The following PLAAT5 variants were observed in gnomAD, a reference collection of about 807,000 sequenced individuals.
PLAAT5 encodes the protein phospholipase A and acyltransferase 5.
In PLAAT5, 27 loss-of-function variants were observed where a neutral mutation model predicts 27.8. That is an observed-to-expected ratio of 0.97 (90% CI 0.72 to 1.34). PLAAT5 has a LOEUF of 1.34. Among genes scored for constraint, PLAAT5 ranks in the 40% most tolerant of loss-of-function variants. The pLI, the probability that PLAAT5 is intolerant of heterozygous loss-of-function variation, is 0.00. For missense variants in PLAAT5, 368 were observed against 343.8 expected, an observed-to-expected ratio of 1.07 and a Z score of -0.56; for synonymous variants, 125 against 136.1, an observed-to-expected ratio of 0.92 and a Z score of 0.57.
intron 1 of PLAAT5, 133 bp downstream of exon 1, chr11:63,490,754 A>G: frequency 1.1e-6 from 1 of 870,954 alleles, no homozygotes; most frequent in Non-Finnish European, 1.7e-6. Flanking sequence ...GTCGTTCTGA[A>G]ATACTCGCTC....
chr11:63,463,388 C>T lies in PLAAT5; in HGVS notation c.*115G>A, dbSNP rs1279007477. On this transcript the variant is annotated 3_prime_UTR_variant, in exon 6 of 6. Coordinates refer to ENST00000540857, the MANE Select transcript of PLAAT5 (RefSeq NM_001146729.2). ...AGGGTAATTGGATACATTGTAGATT[C>T]TTCCAGAAGTTCACAATTTTCTTAA... 1 of 778,660 alleles carries T rather than the reference C, an allele frequency of 1.3e-6. No individual in the cohort carries two copies. Among genetic ancestry groups the T allele is most frequent in the Non-Finnish European group, 2.2e-6 (1 of 445,914 alleles). The allele number at this position is 778,660 out of a possible 1,614,324, so 48.2% of individuals were successfully genotyped here.
At chr11:63,468,671 G>A (rs911002655) in intron 3 of PLAAT5, among the ~76,000 whole-genome samples, 9 of 152,094 alleles carry the variant, frequency 5.9e-5, no homozygotes, top group Non-Finnish European at 1.2e-4. Flanking sequence ...AAGCCATCAA[G>A]GATACCCGTG....
chr11:63,479,996 T>C (rs1025158070), intron 3 of PLAAT5, among the ~76,000 whole-genome samples: 2 of 152,140 alleles, frequency 1.3e-5, no homozygotes, highest in Non-Finnish European at 2.9e-5. Context: ...CAGACCCCAA[T>C]ACCTTAGAGT....
At chr11:63,472,829 C>T (rs559340700) in intron 3 of PLAAT5, among the ~76,000 whole-genome samples, 2 of 152,102 alleles carry the variant, frequency 1.3e-5, no homozygotes, top group African/African-American at 2.4e-5. Flanking sequence ...GTGGCCCAGG[C>T]GCGGTGGCTC....
rs371363769 is a variant in PLAAT5, at chr11:63,463,597, T to A, written c.718-2A>T. On this transcript the variant is annotated splice_acceptor_variant, in intron 5 of 5. Coordinates refer to ENST00000540857, the MANE Select transcript of PLAAT5 (RefSeq NM_001146729.2). LOFTEE classifies it high-confidence loss of function. ...TCCTTCCATCAGGGCGTGCTCTACCTGCAAAGCACATCAGTTCACAGGACA... is the reference window on the plus strand; with the variant it reads ...TCCTTCCATCAGGGCGTGCTCTACCAGCAAAGCACATCAGTTCACAGGACA... 3.1e-6 allele frequency: 5 copies of A among 1,612,688 alleles called. No individual in the cohort carries two copies. In the African/African-American group the frequency reaches 6.7e-5, roughly 22 times the overall value.
chr11:63,486,698 A>AT (rs1459077896), intron 3 of PLAAT5, among the ~76,000 whole-genome samples: 1 of 152,204 alleles, frequency 6.6e-6, no homozygotes, highest in Non-Finnish European at 1.5e-5. Flanking sequence ...AAGACTACAC[A>AT]TTGAGTATAG....
At chr11:63,483,827 A>G (rs11501681) in intron 3 of PLAAT5, among the ~76,000 whole-genome samples, 15,950 of 109,624 alleles carry the variant, frequency 0.15, 3,576 homozygotes, top group African/African-American at 0.43. Flanking sequence ...ATATATATAT[A>G]TATATATATA....
chr11:63,464,458 C>T (rs1403397547), intron 5 of PLAAT5, among the ~76,000 whole-genome samples: 1 of 151,982 alleles, frequency 6.6e-6, no homozygotes, highest in East Asian at 1.9e-4. Flanking sequence ...GAGATTGAGA[C>T]CATCCTGACC....
intron 3 of PLAAT5, among the ~76,000 whole-genome samples, chr11:63,477,803 G>C (rs1269748725): frequency 1.3e-5 from 2 of 152,072 alleles, no homozygotes; most frequent in Non-Finnish European, 2.9e-5. Flanking sequence ...TCCTAGATCG[G>C]CATAGCTTAA....
rs2120212176 is a variant in PLAAT5, at chr11:63,466,091, A to T, written c.717+19T>A. The T allele has an allele frequency of 1.2e-6, 2 of 1,608,270 alleles. No homozygotes were observed. The highest frequency in any genetic ancestry group is 1.3e-5 in the African/African-American group (1 of 74,884). ...GAAAGCTCTGGAAGAAGCCATCATC[A>T]GAGCAAATGGGGTCACACCTGCTGG... On this transcript the variant is annotated intron_variant, in intron 5 of 5. Transcript: ENST00000540857.
At chr11:63,485,994 G>A (rs1013104051) in intron 3 of PLAAT5, among the ~76,000 whole-genome samples, 2 of 152,064 alleles carry the variant, frequency 1.3e-5, no homozygotes, top group Non-Finnish European at 2.9e-5. Context: ...CTCAAAAGAA[G>A]ATATACAAAT....
chr11:63,463,533 A>G lies in PLAAT5; in HGVS notation c.780T>C (p.Asp260=), dbSNP rs1420045869. The G allele has an allele frequency of 6.2e-7, 1 of 1,613,850 alleles. No individual in the cohort carries two copies. The highest frequency in any genetic ancestry group is 1.1e-5 in the South Asian group (1 of 91,076). ...AAGAVISAVV[D]SIKPKPITA Reference sequence around the variant, plus strand: ...CAGTTATTGGTTTGGGCTTTATGCTATCCACTACAGCTGAAATAACTGCTC... The same window carrying G: ...CAGTTATTGGTTTGGGCTTTATGCTGTCCACTACAGCTGAAATAACTGCTC... The change falls in exon 6 of 6, where the codon GAT becomes GAC. Residue 260 remains aspartate (D), a synonymous_variant. Coordinates refer to ENST00000540857, the MANE Select transcript of PLAAT5 (RefSeq NM_001146729.2).
intron 3 of PLAAT5, among the ~76,000 whole-genome samples, chr11:63,479,682 C>T (rs2120295262): frequency 6.6e-6 from 1 of 152,226 alleles, no homozygotes; most frequent in South Asian, 2.1e-4. Context: ...CACAGGAGAC[C>T]CCATAGGCCC....
rs77122481 is a variant in PLAAT5 at position 63,478,339 on chromosome 11, T to A, written c.346-9874A>T. ...CAATAGACTTTCTTTTTTTTTTTTT[T>A]AGACGGAGTCTTGCTCTGTTACCCA... is the stretch of plus-strand genomic sequence containing the variant. On this transcript the variant is annotated intron_variant, in intron 3 of 5. Transcript: ENST00000540857. 1.3e-3 allele frequency among the ~76,000 whole-genome samples: 201 copies of A among 151,952 alleles called. 2 individuals are homozygous for A. Among genetic ancestry groups the A allele is most frequent in the Middle Eastern group, 6.8e-3 (2 of 294 alleles).
At chr11:63,490,650 C>T (rs1185479596) in intron 1 of PLAAT5, 2 of 609,564 alleles carry the variant, frequency 3.3e-6, no homozygotes, top group African/African-American at 1.9e-5. Flanking sequence ...ACACCACCCT[C>T]CGGAGCTGCC....
rs758027598 is a variant in PLAAT5, at chr11:63,490,854, GGATT to G, written c.148+29_148+32del. On this transcript the variant is annotated intron_variant, in intron 1 of 5. Coordinates refer to ENST00000540857, the MANE Select transcript of PLAAT5 (RefSeq NM_001146729.2). Reference sequence around the variant, plus strand: ...CCGCTGGGACCTGAAGGACAATTGCGGATTGTCCTTCAGCCGCATTCTTGGGGCT... The same window carrying G: ...CCGCTGGGACCTGAAGGACAATTGCGGTCCTTCAGCCGCATTCTTGGGGCT... 1,866 of 1,575,190 alleles carry G rather than the reference GGATT, an allele frequency of 1.2e-3. 6 individuals carry two copies. The highest frequency in any genetic ancestry group is 4.4e-3 in the Middle Eastern group (26 of 5,972).
intron 3 of PLAAT5, among the ~76,000 whole-genome samples, chr11:63,481,655 C>G (rs2016287413): frequency 2.6e-5 from 4 of 152,118 alleles, no homozygotes; most frequent in Admixed American, 2.6e-4. Flanking sequence ...TGGAACCAAC[C>G]CAAATGTCCA....
chr11:63,490,719 G>A (rs1339510823), intron 1 of PLAAT5, among the ~76,000 whole-genome samples, 168 bp downstream of exon 1: 1 of 152,170 alleles, frequency 6.6e-6, no homozygotes, highest in African/African-American at 2.4e-5. Context: ...TGCCTGGCTC[G>A]CTTTGATTAG....
chr11:63,481,799 C>T (rs1189809826), intron 3 of PLAAT5, among the ~76,000 whole-genome samples: 2 of 152,024 alleles, frequency 1.3e-5, no homozygotes, highest in Non-Finnish European at 1.5e-5. Flanking sequence ...AGCAAACTAT[C>T]GCAAGGACAA....
Sources: gnomAD v4.1 joint callset for allele counts (sites outside exome capture counted in the v4.1 genomes callset) on GRCh38, gnomAD v4.1.1 for gene constraint, MANE v1.5 for transcripts, NCBI Gene and HGNC (gene_info 2026-07-23, HGNC 2026-07-21) for gene names.